CTSS: variants seen among roughly 807,000 people sequenced by gnomAD.
CTSS encodes cathepsin S.
A neutral mutation model predicts 39.9 loss-of-function variants in CTSS; 15 were observed. The ratio of observed to expected loss-of-function variants is 0.38; its 90% CI spans 0.25 to 0.58. The LOEUF is 0.58. Among genes scored for constraint, CTSS ranks in the 20% least tolerant of loss-of-function variants. The pLI is 0.70. For missense variants in CTSS, 250 were observed against 398.2 expected (o/e 0.63, Z 3.17); for synonymous variants, 126 against 138.2 (o/e 0.91, Z 0.62).
At chr1:150,757,482 A>C (rs1019243036) in intron 3 of CTSS, among the ~76,000 whole-genome samples, 1 of 152,198 alleles carries the variant, frequency 6.6e-6, no homozygotes. Flanking sequence ...AAATACCCAC[A>C]TTCTCCCATT....
chr1:150,733,214 C>A, intron 7 of CTSS, 69 bp from the exon 8 acceptor site: 1 of 1,175,864 alleles, frequency 8.5e-7, no homozygotes, highest in South Asian at 1.3e-5. Context: ...CTTTTTATCT[C>A]ATTGTTTTTC....
intron 7 of CTSS, among the ~76,000 whole-genome samples, chr1:150,739,064 C>T (rs186524732): frequency 1.8e-4 from 27 of 152,068 alleles, no homozygotes; most frequent in African/African-American, 5.5e-4. Flanking sequence ...TGTGGTGGTG[C>T]GTGCCTGTAA....
At chr1:150,753,258 A>T (rs1322037242) in intron 4 of CTSS, among the ~76,000 whole-genome samples, 1 of 152,182 alleles carries the variant, frequency 6.6e-6, no homozygotes, top group East Asian at 1.9e-4. Context: ...CTCTATGGTG[A>T]TACATGTGTT....
chr1:150,738,096 G>A (rs192915190), intron 7 of CTSS, among the ~76,000 whole-genome samples: 31 of 152,212 alleles, frequency 2.0e-4, no homozygotes, highest in Middle Eastern at 3.4e-3. Flanking sequence ...GGGTAGAAGG[G>A]TAACATAATC....
chr1:150,738,624 C>G (rs587771506), intron 7 of CTSS, among the ~76,000 whole-genome samples: 127 of 151,122 alleles, frequency 8.4e-4, no homozygotes, highest in African/African-American at 3.0e-3. Flanking sequence ...GCTGGGACCA[C>G]AAATATGCAC....
rs1314605837 is a variant in CTSS at position 150,750,046 on chromosome 1, AC to A, written c.752del (p.Gly251ValfsTer2). On this transcript the variant is annotated frameshift_variant, in exon 6 of 8. Coordinates refer to ENST00000368985, the MANE Select transcript of CTSS (RefSeq NM_004079.5). LOFTEE classifies it high-confidence loss of function. ...AVANKGPVSV[G>X]VDARHPSFFL... ...AGAAAGAAGGATGACGCGCATCTAC[AC>A]CAACAGACACTGGGCCTTTATTGGC... 1.9e-6 allele frequency: 3 copies of A among 1,613,790 alleles called. No homozygotes were observed. Among genetic ancestry groups the A allele is most frequent in the Non-Finnish European group, 2.5e-6 (3 of 1,179,764 alleles).
chr1:150,754,106 A>T (rs1653064676), intron 4 of CTSS, among the ~76,000 whole-genome samples: 1 of 141,220 alleles, frequency 7.1e-6, no homozygotes, highest in South Asian at 2.3e-4. Context: ...ACATCCTCCT[A>T]TACACTTTTT....
intron 2 of CTSS, among the ~76,000 whole-genome samples, chr1:150,760,135 T>C (rs1171708045): frequency 6.6e-6 from 1 of 152,098 alleles, no homozygotes; most frequent in East Asian, 1.9e-4. Context: ...AACAGAGGGA[T>C]AGCATTCATT....
At chr1:150,741,887 G>A (rs113739463) in intron 7 of CTSS, among the ~76,000 whole-genome samples, 1 of 151,580 alleles carries the variant, frequency 6.6e-6, no homozygotes, top group East Asian at 1.9e-4. Context: ...AAAAAAAAGG[G>A]GGGGGGAAGA....
At chr1:150,756,730 T>C (rs938749646) in intron 3 of CTSS, among the ~76,000 whole-genome samples, 1 of 148,176 alleles carries the variant, frequency 6.7e-6, no homozygotes, top group African/African-American at 2.5e-5. Flanking sequence ...TTTTTTTCTC[T>C]TTTGAGACGG....
rs1230432201 is a variant in CTSS, at chr1:150,756,201, C to T, written c.250-1051G>A. Among the ~76,000 whole-genome samples the T allele has an allele frequency of 2.6e-5, 4 of 152,272 alleles. No individual in the cohort carries two copies. The South Asian group carries it at 6.2e-4, about 24-fold the overall frequency. On this transcript the variant is annotated intron_variant, in intron 3 of 7. Transcript: ENST00000368985. ...CAGGATCATCAGTATCACTGCATTT[C>T]GTCTCCACCTCTTGTCCCACTGGAA...
At position 150,765,771 on chromosome 1, in the gene CTSS, A is replaced by C. The variant is rs1653362040; in HGVS notation, c.-75T>G. 6.6e-6 allele frequency: 1 copy of C among 152,244 alleles called. No homozygotes were observed. 9.4% of individuals were successfully genotyped at this position (152,244 alleles called of 1,614,324 possible). ...GGCTCTCTTCTAAGATTTCAAAGCAACAAGGAGATTTCAGTTCAATTGACT... is the reference window on the plus strand; with the variant it reads ...GGCTCTCTTCTAAGATTTCAAAGCACCAAGGAGATTTCAGTTCAATTGACT... On this transcript the variant is annotated 5_prime_UTR_variant, in exon 1 of 8. Transcript: ENST00000368985.
At chr1:150,744,604 G>GTATACATAATATATTATA (rs1557810308) in intron 7 of CTSS, among the ~76,000 whole-genome samples, 1 of 112,548 alleles carries the variant, frequency 8.9e-6, no homozygotes, top group Non-Finnish European at 1.7e-5. Flanking sequence ...TGTATATTAT[G>GTATACATAATATATTATA]TATTATATTA....
At chr1:150,764,910 A>G (rs2101929896) in intron 1 of CTSS, 146 bp from the exon 2 acceptor site, 1 of 876,656 alleles carries the variant, frequency 1.1e-6, no homozygotes, top group Admixed American at 2.6e-5. Context: ...TTCCTGGGAT[A>G]TATAGTCACA....
Position 150,748,936 on chromosome 1 carries a change from T to A in CTSS, c.794-1057A>T, listed in dbSNP as rs368672285. Among the ~76,000 whole-genome samples the A allele has an allele frequency of 1.3e-4, 20 of 152,336 alleles. No individual in the cohort carries two copies. The South Asian group carries it at 3.9e-3, about 30-fold the overall frequency. ...GTCATCTGTGATCAATGATCTTTGATGTTACTTCATAATTTTGAGGGTGAG... is the reference window on the plus strand; with the variant it reads ...GTCATCTGTGATCAATGATCTTTGAAGTTACTTCATAATTTTGAGGGTGAG... On this transcript the variant is annotated intron_variant, in intron 6 of 7. Transcript: ENST00000368985.
At chr1:150,745,017 T>C (rs921813600) in intron 7 of CTSS, among the ~76,000 whole-genome samples, 1 of 152,056 alleles carries the variant, frequency 6.6e-6, no homozygotes, top group Non-Finnish European at 1.5e-5. Context: ...ATCACTGGTC[T>C]ACACCCAAGC....
intron 1 of CTSS, among the ~76,000 whole-genome samples, 196 bp from the exon 2 acceptor site, chr1:150,764,960 A>G (rs1653341324): frequency 2.0e-5 from 3 of 152,224 alleles, no homozygotes; most frequent in Admixed American, 2.0e-4. Context: ...ACTACTTCCA[A>G]TGCTTAGTAG....
chr1:150,740,913 C>T (rs1652738070), intron 7 of CTSS, among the ~76,000 whole-genome samples: 1 of 151,846 alleles, frequency 6.6e-6, no homozygotes. Context: ...GTCTTGAACC[C>T]CTGGGCTCAA....
chr1:150,742,702 T>C (rs1652792775), intron 7 of CTSS, among the ~76,000 whole-genome samples: 1 of 151,860 alleles, frequency 6.6e-6, no homozygotes, highest in South Asian at 2.1e-4. Flanking sequence ...AAAATACATA[T>C]AAAATATGAT....
Sources: allele counts gnomAD v4.1 joint callset (sites outside exome capture counted in the v4.1 genomes callset), GRCh38; gene constraint gnomAD v4.1.1; transcripts MANE v1.5; gene names NCBI Gene and HGNC (gene_info 2026-07-23, HGNC 2026-07-21).